KCNK5: variants seen among roughly 807,000 people sequenced by gnomAD.
KCNK5 encodes the protein potassium channel subfamily K member 5.
KCNK5 carries 18 observed loss-of-function variants against 32.9 expected under a neutral mutation model. That is an observed-to-expected ratio of 0.55 (90% CI 0.38 to 0.81). The LOEUF (loss-of-function observed/expected upper bound fraction) is 0.81, where lower values mean the gene tolerates loss of function less well. Ranked by LOEUF, KCNK5 falls within the 30% of genes least tolerant of loss-of-function variation. KCNK5 has a pLI of 0.00. For missense variants in KCNK5, 507 were observed against 651.0 expected (o/e 0.78, Z 2.41); for synonymous variants, 276 against 275.3 (o/e 1.00, Z -0.03).
At chr6:39,210,813 C>T (rs1771322390) in intron 1 of KCNK5, among the ~76,000 whole-genome samples, 1 of 152,174 alleles carries the variant, frequency 6.6e-6, no homozygotes, top group Non-Finnish European at 1.5e-5. Context: ...CCCAGGGGCT[C>T]ACTCCATGCT....
intron 1 of KCNK5, among the ~76,000 whole-genome samples, chr6:39,217,760 C>T (rs1583719339): frequency 1.3e-5 from 2 of 152,164 alleles, no homozygotes; most frequent in East Asian, 3.9e-4. Context: ...GCCAACAGCT[C>T]CTTGGGCGCA....
chr6:39,206,198 T>C (rs949379499), intron 1 of KCNK5, among the ~76,000 whole-genome samples: 4 of 152,240 alleles, frequency 2.6e-5, no homozygotes, highest in East Asian at 1.9e-4. Context: ...AGCCCTCCAC[T>C]TGCCACCCGG....
In KCNK5 at chr6:39,229,327, G is replaced by A. The variant is rs772546789; in HGVS notation, c.-216C>T. On this transcript the variant is annotated 5_prime_UTR_variant, in exon 1 of 5. Transcript: ENST00000359534. Reference sequence around the variant, plus strand: ...GAGCTGCGTGGGGCCCCACTCACGCGGCCCGGGGTGGGCGAACACCAGCGG... The same window carrying A: ...GAGCTGCGTGGGGCCCCACTCACGCAGCCCGGGGTGGGCGAACACCAGCGG... 8.3e-6 allele frequency: 5 copies of A among 599,188 alleles called. No homozygotes were observed. Among genetic ancestry groups the A allele is most frequent in the Non-Finnish European group, 1.2e-5 (4 of 342,740 alleles). 37.1% of individuals were successfully genotyped at this position (599,188 alleles called of 1,614,324 possible). A position where few individuals can be genotyped will look rare whatever the true frequency, so the allele number is the denominator to read the frequency against.
chr6:39,202,146 C>G (rs988606143), intron 1 of KCNK5, among the ~76,000 whole-genome samples: 2 of 152,152 alleles, frequency 1.3e-5, no homozygotes, highest in African/African-American at 4.8e-5. Flanking sequence ...CACACAGTAG[C>G]TATTCAACAA....
chr6:39,194,426 G>T lies in KCNK5; in HGVS notation c.466-89C>A, dbSNP rs890501638. 4.1e-6 allele frequency: 6 copies of T among 1,478,278 alleles called. No homozygotes were observed. Among genetic ancestry groups the T allele is most frequent in the Non-Finnish European group, 5.5e-6 (6 of 1,089,654 alleles). The allele number at this position is 1,478,278 out of a possible 1,614,324, so 91.6% of individuals were successfully genotyped here. On this transcript the variant is annotated intron_variant, in intron 3 of 4. Transcript: ENST00000359534. The surrounding 1 kb of genome is among the most constrained non-coding windows in gnomAD (Gnocchi z 4.7). ...CAGAGGGCCAGGGAGGCAGCTAGAG[G>T]AGAAGCTAGCTGGGTACCCAGCCTG...
chr6:39,194,653 A>T lies in KCNK5; in HGVS notation c.406T>A (p.Phe136Ile). 1.2e-6 allele frequency: 2 copies of T among 1,614,154 alleles called. No homozygotes were observed. Among genetic ancestry groups the T allele is most frequent in the South Asian group, 1.1e-5 (1 of 91,080 alleles). The change falls in exon 3 of 5, where the codon TTC (phenylalanine) becomes ATC (isoleucine). Residue 136 changes from phenylalanine to isoleucine, a missense_variant. Physicochemically the swap from Phe to Ile is conservative, Grantham distance 21. Coordinates refer to ENST00000359534, the MANE Select transcript of KCNK5 (RefSeq NM_003740.4). The surrounding 1 kb of genome is among the most constrained non-coding windows in gnomAD (Gnocchi z 4.7). ...AGTCTCTTGGCACGTCCCCCGAAGA[A>T]CTTGCCCAGGGCACTGATCCACGTC... is the stretch of plus-strand genomic sequence containing the variant. ...CLTWISALGK[F>I]FGGRAKRLGQ...
chr6:39,223,377 C>G (rs1170157802), intron 1 of KCNK5, among the ~76,000 whole-genome samples: 22 of 152,214 alleles, frequency 1.4e-4, no homozygotes, highest in Non-Finnish European at 8.8e-5. Flanking sequence ...CTATGTACAG[C>G]CATACTTGGG....
Position 39,190,923 on chromosome 6 carries a change from C to T in KCNK5, c.1467G>A (p.Glu489=). 2.7e-6 allele frequency: 4 copies of T among 1,483,906 alleles called. No homozygotes were observed. The highest frequency in any genetic ancestry group is 2.7e-6 in the Non-Finnish European group (3 of 1,117,734). 91.9% of individuals were successfully genotyped at this position (1,483,906 alleles called of 1,614,324 possible). ...LSVPYEQLMN[E]YNKANSPKGT ...CCTTGGGGCTGTTAGCCTTGTTGTA[C>T]TCATTCATCAGCTGTTCGTAAGGCA... The change falls in exon 5 of 5, where the codon GAG becomes GAA. Residue 489 remains glutamate, a synonymous_variant. Transcript: ENST00000359534.
At chr6:39,202,575 T>G (rs1290321517) in intron 1 of KCNK5, among the ~76,000 whole-genome samples, 1 of 152,214 alleles carries the variant, frequency 6.6e-6, no homozygotes, top group Non-Finnish European at 1.5e-5. Flanking sequence ...GGGACTGTCC[T>G]TCCTGCAGGG....
chr6:39,228,330 C>T (rs995389837), intron 1 of KCNK5, among the ~76,000 whole-genome samples: 1 of 152,190 alleles, frequency 6.6e-6, no homozygotes, highest in Admixed American at 6.5e-5. Context: ...TGAGCGCGTC[C>T]CCAGCATTCC....
intron 1 of KCNK5, among the ~76,000 whole-genome samples, chr6:39,207,759 T>C (rs1468283412): frequency 3.3e-5 from 5 of 152,108 alleles, no homozygotes; most frequent in East Asian, 1.9e-4. Flanking sequence ...GAAGGAAGGA[T>C]GCTCTGATCC....
chr6:39,195,810 T>C, intron 2 of KCNK5, 66 bp downstream of exon 2: 1 of 1,174,742 alleles, frequency 8.5e-7, no homozygotes, highest in South Asian at 1.4e-5. Flanking sequence ...CAGAGCTGGG[T>C]TTCTAGAAAG....
intron 1 of KCNK5, among the ~76,000 whole-genome samples, chr6:39,197,319 C>A (rs1477428243): frequency 1.3e-5 from 2 of 152,218 alleles, no homozygotes; most frequent in African/African-American, 2.4e-5. Flanking sequence ...CAGCAGCCGG[C>A]CTGCGTAAAT....
chr6:39,222,973 C>T (rs1771582302), intron 1 of KCNK5, among the ~76,000 whole-genome samples: 1 of 152,146 alleles, frequency 6.6e-6, no homozygotes, highest in East Asian at 1.9e-4. Flanking sequence ...GGTAAATATA[C>T]TTAACACTAC....
At chr6:39,221,647 T>A (rs1463856443) in intron 1 of KCNK5, among the ~76,000 whole-genome samples, 1 of 152,010 alleles carries the variant, frequency 6.6e-6, no homozygotes, top group East Asian at 1.9e-4. Context: ...ACACCTGGAG[T>A]CCCCAGGTGC....
At chr6:39,221,560 T>C (rs1031398849) in intron 1 of KCNK5, among the ~76,000 whole-genome samples, 1 of 152,208 alleles carries the variant, frequency 6.6e-6, no homozygotes, top group African/African-American at 2.4e-5. Context: ...CTCACAGGGC[T>C]ACTGCCCATG....
At chr6:39,219,750 CA>C (rs147023790) in intron 1 of KCNK5, among the ~76,000 whole-genome samples, 1 of 152,258 alleles carries the variant, frequency 6.6e-6, no homozygotes, top group East Asian at 1.9e-4. Flanking sequence ...CAGTGCTGGA[CA>C]GACGGACACA....
intron 1 of KCNK5, among the ~76,000 whole-genome samples, chr6:39,222,568 C>G (rs1381576915): frequency 6.6e-6 from 1 of 152,182 alleles, no homozygotes; most frequent in Non-Finnish European, 1.5e-5. Flanking sequence ...TGACTCTCAC[C>G]TCCCTGGCCT....
At chr6:39,226,589 G>T (rs1176009939) in intron 1 of KCNK5, among the ~76,000 whole-genome samples, 1 of 152,098 alleles carries the variant, frequency 6.6e-6, no homozygotes. Context: ...AGGTGATTCA[G>T]AACCAGCTAA....
Sources: gnomAD v4.1 joint callset for allele counts (sites outside exome capture counted in the v4.1 genomes callset) on GRCh38, gnomAD v4.1.1 for gene constraint, Gnocchi (gnomAD v3.1) non-coding constraint, MANE v1.5 for transcripts, NCBI Gene and HGNC (gene_info 2026-07-23, HGNC 2026-07-21) for gene names.